IGF2R: variants seen among roughly 807,000 people sequenced by gnomAD.
IGF2R encodes the protein insulin like growth factor 2 receptor, also known as cation-independent mannose-6-phosphate receptor.
In IGF2R, 91 loss-of-function variants were observed where a neutral mutation model predicts 270.6. That is an observed-to-expected ratio of 0.34 (90% CI 0.28 to 0.40). The LOEUF is 0.40. Ranked by LOEUF, IGF2R falls within the 10% of genes least tolerant of loss-of-function variation. IGF2R has a pLI of 1.00. For missense variants in IGF2R, 2,805 were observed against 3,188.3 expected (o/e 0.88, Z 2.90); for synonymous variants, 1,316 against 1,258.9 (o/e 1.05, Z -0.96).
chr6:160,027,041 A>G (rs1777575823), intron 5 of IGF2R, 144 bp from the exon 6 acceptor site: 1 of 852,828 alleles, frequency 1.2e-6, no homozygotes, highest in Non-Finnish European at 1.9e-6. Flanking sequence ...CAGAGGGTTA[A>G]TGGCTTGCCC....
In IGF2R at chr6:159,972,870, C is replaced by T. The variant is rs1247067197; in HGVS notation, c.149+3475C>T. Among the ~76,000 whole-genome samples, 5 of 152,052 alleles carry T rather than the reference C, an allele frequency of 3.3e-5. No homozygotes were observed. In the East Asian group the frequency reaches 7.7e-4, roughly 23 times the overall value. Reference sequence around the variant, plus strand: ...CCAAAGTGTATCTGGCTTGAAGCAGCGCTTTAAATAAGTGCATGGTTTTTT... The same window carrying T: ...CCAAAGTGTATCTGGCTTGAAGCAGTGCTTTAAATAAGTGCATGGTTTTTT... On this transcript the variant is annotated intron_variant, in intron 1 of 47. Coordinates refer to ENST00000356956, the MANE Select transcript of IGF2R (RefSeq NM_000876.4).
In IGF2R at chr6:160,064,708, C is replaced by T. The variant is rs976700707; in HGVS notation, c.4018-96C>T. 7.5e-5 allele frequency: 83 copies of T among 1,111,834 alleles called. No homozygotes were observed. In the South Asian group the frequency reaches 7.5e-4, roughly 10 times the overall value. 68.9% of individuals were successfully genotyped at this position (1,111,834 alleles called of 1,614,324 possible). A position where few individuals can be genotyped will look rare whatever the true frequency, so the allele number is the denominator to read the frequency against. ...ATCAGTTAGTATTGATTTTCATGAA[C>T]GTAACCATTCTTTACTATTTTCATT... is the stretch of plus-strand genomic sequence containing the variant. On this transcript the variant is annotated intron_variant, in intron 28 of 47. Transcript: ENST00000356956.
intron 4 of IGF2R, among the ~76,000 whole-genome samples, chr6:160,019,918 T>C (rs1562345628): frequency 6.6e-6 from 1 of 152,170 alleles, no homozygotes; most frequent in Non-Finnish European, 1.5e-5. Flanking sequence ...ATGCCCACTT[T>C]TTCATCTCTC....
At chr6:160,062,064 C>T (rs900371734) in intron 25 of IGF2R, 136 bp downstream of exon 25, 34 of 740,396 alleles carry the variant, frequency 4.6e-5, no homozygotes, top group Admixed American at 2.2e-4. Flanking sequence ...TAGGGTTTGA[C>T]GAGAATGCAC....
intron 5 of IGF2R, among the ~76,000 whole-genome samples, chr6:160,026,453 A>G (rs1045986460): frequency 6.6e-6 from 1 of 152,202 alleles, no homozygotes; most frequent in Non-Finnish European, 1.5e-5. Context: ...CTAGGCACTA[A>G]TCTAGGCACT....
rs767013561 is a variant in IGF2R at position 160,064,382 on chromosome 6, A to G, written c.3887-19A>G. 8 of 1,614,008 alleles carry G rather than the reference A, an allele frequency of 5.0e-6. No individual in the cohort carries two copies. In the Admixed American group the frequency reaches 6.7e-5, roughly 13 times the overall value. Reference sequence around the variant, plus strand: ...AGGGACCCGAACCAAACCTTGTTTAATGTTCTCCTTCTTTACAGGTCTCCT... The same window carrying G: ...AGGGACCCGAACCAAACCTTGTTTAGTGTTCTCCTTCTTTACAGGTCTCCT... On this transcript the variant is annotated intron_variant, in intron 27 of 47. Transcript: ENST00000356956.
At chr6:160,027,582 A>G (rs1777589744) in intron 6 of IGF2R, among the ~76,000 whole-genome samples, 1 of 152,268 alleles carries the variant, frequency 6.6e-6, no homozygotes, top group African/African-American at 2.4e-5. Flanking sequence ...GCCTCATGAA[A>G]TAATGCCTAT....
At chr6:160,024,824 A>G (rs1365648867) in intron 5 of IGF2R, 120 bp downstream of exon 5, 3 of 1,157,108 alleles carry the variant, frequency 2.6e-6, no homozygotes, top group Non-Finnish European at 1.2e-6. Flanking sequence ...AGGCCCTCTA[A>G]TAAAGCTTTT....
chr6:160,059,246 C>T (rs1207571267), intron 22 of IGF2R, 148 bp downstream of exon 22: 5 of 637,352 alleles, frequency 7.8e-6, no homozygotes, highest in Non-Finnish European at 1.3e-5. Flanking sequence ...TCACGGTGGT[C>T]TTCCTGCGTT....
intron 44 of IGF2R, 150 bp downstream of exon 44, chr6:160,090,253 A>T: frequency 1.9e-6 from 1 of 537,834 alleles, no homozygotes. Flanking sequence ...GAATTTCTTG[A>T]CAGTGGATTG....
chr6:160,046,704 T>A (rs2115247812), intron 15 of IGF2R, 59 bp downstream of exon 15: 1 of 1,547,204 alleles, frequency 6.5e-7, no homozygotes, highest in East Asian at 2.2e-5. Flanking sequence ...AAATATTATT[T>A]TCAGGAATAG....
At chr6:159,970,928 A>G (rs1473636048) in intron 1 of IGF2R, among the ~76,000 whole-genome samples, 1 of 152,102 alleles carries the variant, frequency 6.6e-6, no homozygotes, top group Non-Finnish European at 1.5e-5. Flanking sequence ...AAATATGAAA[A>G]TTAGAGCCGG....
At chr6:160,053,646 G>C (rs1778246067) in intron 19 of IGF2R, among the ~76,000 whole-genome samples, 1 of 152,048 alleles carries the variant, frequency 6.6e-6, no homozygotes, top group Non-Finnish European at 1.5e-5. Context: ...TGACCATTCT[G>C]ACTGTCTTTG....
rs1298873303 is a variant in IGF2R at position 160,044,452 on chromosome 6, CT to C, written c.1622-59del. 3.8e-5 allele frequency: 46 copies of C among 1,221,232 alleles called. 3 individuals carry two copies. In the South Asian group the frequency reaches 4.1e-4, roughly 11 times the overall value. 75.6% of individuals were successfully genotyped at this position (1,221,232 alleles called of 1,614,324 possible). A position where few individuals can be genotyped will look rare whatever the true frequency, so the allele number is the denominator to read the frequency against. ...TCTTTCTTTTTTTTTTAAGTCACTT[CT>C]TTGTCTGCGTGATGATCATTTTTAA... On this transcript the variant is annotated intron_variant, in intron 12 of 47. Transcript: ENST00000356956.
intron 19 of IGF2R, among the ~76,000 whole-genome samples, chr6:160,052,000 A>T (rs1778208649): frequency 6.6e-6 from 1 of 151,726 alleles, no homozygotes; most frequent in Admixed American, 6.6e-5. Context: ...GTTTGAGCCC[A>T]GGAGTCTCAG....
intron 45 of IGF2R, among the ~76,000 whole-genome samples, chr6:160,101,956 A>G (rs1325466602): frequency 6.6e-6 from 1 of 152,090 alleles, no homozygotes; most frequent in Non-Finnish European, 1.5e-5. Context: ...GCTTGGAGAG[A>G]GGAGACCCGT....
At position 160,060,726 on chromosome 6, in the gene IGF2R, G is replaced by C; in HGVS notation, c.3262+9G>C. The C allele has an allele frequency of 6.2e-7, 1 of 1,613,992 alleles. No homozygotes were observed. Among genetic ancestry groups the C allele is most frequent in the Non-Finnish European group, 8.5e-7 (1 of 1,179,882 alleles). On this transcript the variant is annotated intron_variant, in intron 23 of 47. Coordinates refer to ENST00000356956, the MANE Select transcript of IGF2R (RefSeq NM_000876.4). The stretch of plus-strand genomic sequence containing the variant: ...GGACTGCCAAGTCACCGGTAAGGCC[G>C]TGCGGCCTAAGAACTGAGAGGCCGG...
At position 160,088,049 on chromosome 6, in the gene IGF2R, C is replaced by T. The variant is rs779478938; in HGVS notation, c.6222C>T (p.Val2074=). 15 of 1,610,012 alleles carry T rather than the reference C, an allele frequency of 9.3e-6. No homozygotes were observed. Among genetic ancestry groups the T allele is most frequent in the African/African-American group, 1.3e-5 (1 of 74,956 alleles). The change falls in exon 42 of 48, where the codon GTC becomes GTT. Residue 2074 remains valine, a synonymous_variant. Coordinates refer to ENST00000356956, the MANE Select transcript of IGF2R (RefSeq NM_000876.4). Reference sequence around the variant, plus strand: ...GTGTTTCAGGTGACAAAGTTGTTGTCACGTACTCCAAAGGTTATCCGTGTG... The same window carrying T: ...GTGTTTCAGGTGACAAAGTTGTTGTTACGTACTCCAAAGGTTATCCGTGTG... ...KLGVIGDKVV[V]TYSKGYPCGG... is the part of the protein sequence containing the mutation.
At position 160,111,197 on chromosome 6, in the gene IGF2R, A is replaced by T. The variant is rs1342517543; in HGVS notation, c.*6113A>T. ...AACATAAGTATACAATTGACCCTTGAACAATACAGGTTTGAACTCTGTGGG... is the reference window on the plus strand; with the variant it reads ...AACATAAGTATACAATTGACCCTTGTACAATACAGGTTTGAACTCTGTGGG... On this transcript the variant is annotated 3_prime_UTR_variant, in exon 48 of 48. Coordinates refer to ENST00000356956, the MANE Select transcript of IGF2R (RefSeq NM_000876.4). 6.6e-6 allele frequency: 1 copy of T among 152,150 alleles called. No individual in the cohort carries two copies. Among genetic ancestry groups the T allele is most frequent in the African/African-American group, 2.4e-5 (1 of 41,434 alleles). 9.4% of individuals were successfully genotyped at this position (152,150 alleles called of 1,614,324 possible). A position where few individuals can be genotyped will look rare whatever the true frequency, so the allele number is the denominator to read the frequency against.
Sources: gnomAD v4.1 joint callset for allele counts (sites outside exome capture counted in the v4.1 genomes callset) on GRCh38, gnomAD v4.1.1 for gene constraint, MANE v1.5 for transcripts, NCBI Gene and HGNC (gene_info 2026-07-23, HGNC 2026-07-21) for gene names.